CSMD1: variants seen among roughly 807,000 people sequenced by gnomAD.
CSMD1 encodes the protein CUB and Sushi multiple domains 1.
In CSMD1, 213 loss-of-function variants were observed where a neutral mutation model predicts 417.5. That is an observed-to-expected ratio of 0.51 (90% CI 0.46 to 0.57). CSMD1 has a LOEUF of 0.57. Ranked by LOEUF, CSMD1 falls within the 20% of genes least tolerant of loss-of-function variation. CSMD1 has a pLI of 0.00. For missense variants in CSMD1, 6,923 were observed against 4,529.7 expected (o/e 1.53, Z -15.17); for synonymous variants, 2,862 against 1,736.8 (o/e 1.65, Z -16.11).
At chr8:4,057,742 T>A (rs1328195628) in intron 3 of CSMD1, among the ~76,000 whole-genome samples, 1 of 152,000 alleles carries the variant, frequency 6.6e-6, no homozygotes, top group Non-Finnish European at 1.5e-5. Context: ...AGTTTCAGCT[T>A]TCTACATATG....
intron 7 of CSMD1, among the ~76,000 whole-genome samples, chr8:3,644,820 C>A (rs1202789564): frequency 6.6e-6 from 1 of 152,006 alleles, no homozygotes; most frequent in East Asian, 1.9e-4. Context: ...AACATCCTCC[C>A]TCCAGGAACC....
At chr8:4,236,841 C>A (rs1314787376) in intron 3 of CSMD1, among the ~76,000 whole-genome samples, 3 of 152,150 alleles carry the variant, frequency 2.0e-5, no homozygotes, top group Non-Finnish European at 2.9e-5. Context: ...ATAGAAGTCA[C>A]TGAACAAAAT....
rs1457206920 is a variant in CSMD1, at chr8:3,796,310, TATAG to T, written c.819-42272_819-42269del. Among the ~76,000 whole-genome samples the T allele has an allele frequency of 1.2e-4, 11 of 90,192 alleles. 2 individuals carry two copies. The South Asian group carries it at 1.9e-3, about 16-fold the overall frequency. The allele number at this position is 90,192 out of a possible 152,430, so 59.2% of individuals were successfully genotyped here. A position where few individuals can be genotyped will look rare whatever the true frequency, so the allele number is the denominator to read the frequency against. On this transcript the variant is annotated intron_variant, in intron 5 of 69. Coordinates refer to ENST00000635120, the MANE Select transcript of CSMD1 (RefSeq NM_033225.6). ...TATAGATATATCTATCATGTATAGA[TATAG>T]ATATCTATCATGTATAGATATAGAT...
chr8:3,238,657 G>A (rs1044737813), intron 26 of CSMD1, among the ~76,000 whole-genome samples: 2 of 152,072 alleles, frequency 1.3e-5, no homozygotes, highest in Admixed American at 6.6e-5. Context: ...TGATGGCCTG[G>A]ATACAGTTTT....
chr8:4,127,763 T>C (rs1412649291), intron 3 of CSMD1, among the ~76,000 whole-genome samples: 1 of 152,236 alleles, frequency 6.6e-6, no homozygotes, highest in Non-Finnish European at 1.5e-5. Flanking sequence ...AGTCTTGACA[T>C]ATATTGTCTC....
At chr8:4,561,608 G>A (rs140380462) in intron 2 of CSMD1, among the ~76,000 whole-genome samples, 432 of 152,260 alleles carry the variant, frequency 2.8e-3, no homozygotes, top group African/African-American at 8.9e-3. Flanking sequence ...CTTGAGCCCA[G>A]GAGATTGAGG....
At chr8:3,293,395 C>G (rs1421079186) in intron 25 of CSMD1, among the ~76,000 whole-genome samples, 1 of 152,144 alleles carries the variant, frequency 6.6e-6, no homozygotes, top group Non-Finnish European at 1.5e-5. Context: ...TGGGGAATTT[C>G]TCCTGGTTAA....
rs557096443 is a variant in CSMD1, at chr8:3,258,027, C to T, written c.4153+26117G>A. 7.9e-5 allele frequency among the ~76,000 whole-genome samples: 12 copies of T among 152,242 alleles called. No individual in the cohort carries two copies. In the South Asian group the frequency reaches 1.9e-3, roughly 24 times the overall value. On this transcript the variant is annotated intron_variant, in intron 26 of 69. Coordinates refer to ENST00000635120, the MANE Select transcript of CSMD1 (RefSeq NM_033225.6). ...GGCAGGAGATTGGAGGAGACTCAGC[C>T]ATGGGAGATGGTGTCGAGTAGACAG...
intron 3 of CSMD1, among the ~76,000 whole-genome samples, chr8:4,374,956 T>TG (rs1802630927): frequency 2.5e-3 from 2 of 808 alleles, no homozygotes; most frequent in Non-Finnish European, 5.6e-3. Context: ...CAGACAAAGG[T>TG]GGGGTGGGGG....
intron 3 of CSMD1, among the ~76,000 whole-genome samples, chr8:4,344,069 A>G (rs1303848960): frequency 4.6e-5 from 7 of 152,188 alleles, no homozygotes; most frequent in Non-Finnish European, 8.8e-5. Flanking sequence ...GCGCACACAC[A>G]TACTCTGGCT....
At chr8:3,841,979 C>T (rs1299266731) in intron 5 of CSMD1, among the ~76,000 whole-genome samples, 1 of 152,130 alleles carries the variant, frequency 6.6e-6, no homozygotes, top group Non-Finnish European at 1.5e-5. Flanking sequence ...CAGTTTTTTT[C>T]CATCGTGTTG....
chr8:3,159,835 G>C (rs1193679743), intron 38 of CSMD1, among the ~76,000 whole-genome samples: 1 of 152,098 alleles, frequency 6.6e-6, no homozygotes, highest in East Asian at 1.9e-4. Flanking sequence ...AAATTTCTTT[G>C]GTAAAGAATT....
chr8:4,837,647 G>C (rs1470581110), intron 1 of CSMD1, among the ~76,000 whole-genome samples: 5 of 151,974 alleles, frequency 3.3e-5, no homozygotes, highest in Non-Finnish European at 2.9e-5. Flanking sequence ...GGTAGGGATA[G>C]TTAACAGGTA....
At chr8:4,461,810 A>G (rs1481091656) in intron 2 of CSMD1, among the ~76,000 whole-genome samples, 8 of 145,526 alleles carry the variant, frequency 5.5e-5, no homozygotes, top group Middle Eastern at 3.6e-3. Flanking sequence ...GTACGATCTC[A>G]GCTCACTGCA....
At position 3,132,155 on chromosome 8, in the gene CSMD1, T is replaced by C. The variant is rs144564123; in HGVS notation, c.6241+10310A>G. On this transcript the variant is annotated intron_variant, in intron 41 of 69. Transcript: ENST00000635120. The stretch of plus-strand genomic sequence containing the variant: ...GTGCCTGCTCTGCGAGGCCACCCAG[T>C]GGGTTTTACCCTCAGACCTCAGCAG... Among the ~76,000 whole-genome samples the C allele has an allele frequency of 3.3e-5, 5 of 152,310 alleles. No individual in the cohort carries two copies. The East Asian group carries it at 7.7e-4, about 24-fold the overall frequency.
intron 3 of CSMD1, among the ~76,000 whole-genome samples, chr8:4,214,351 G>A (rs558265643): frequency 1.3e-5 from 2 of 152,206 alleles, no homozygotes; most frequent in East Asian, 3.8e-4. Context: ...AGGCTGGAGT[G>A]CAGTGGTGCG....
At chr8:3,965,391 C>T (rs1281538371) in intron 5 of CSMD1, among the ~76,000 whole-genome samples, 2 of 152,130 alleles carry the variant, frequency 1.3e-5, no homozygotes, top group African/African-American at 4.8e-5. Flanking sequence ...TCTACAAATA[C>T]ATTGCCTTAG....
intron 5 of CSMD1, among the ~76,000 whole-genome samples, chr8:3,893,077 G>A (rs572331886): frequency 6.6e-6 from 1 of 151,764 alleles, no homozygotes; most frequent in Non-Finnish European, 1.5e-5. Context: ...CTGGAGAAAT[G>A]CTGGAATTAG....
intron 23 of CSMD1, among the ~76,000 whole-genome samples, chr8:3,333,460 T>C (rs1344462468): frequency 6.6e-6 from 1 of 152,252 alleles, no homozygotes; most frequent in Admixed American, 6.5e-5. Flanking sequence ...CCCAACGTTT[T>C]TCTCAGCTAG....
Sources: allele counts gnomAD v4.1 joint callset (sites outside exome capture counted in the v4.1 genomes callset), GRCh38; gene constraint gnomAD v4.1.1; transcripts MANE v1.5; gene names NCBI Gene and HGNC (gene_info 2026-07-23, HGNC 2026-07-21).